The following SCAF8 variants were observed in gnomAD, a reference collection of about 807,000 sequenced individuals.
SCAF8 encodes the protein SR-related and CTD-associated factor 8.
A neutral mutation model predicts 140.5 loss-of-function variants in SCAF8; 23 were observed. The observed-to-expected ratio is 0.16, with a 90% CI of 0.12 to 0.23. The LOEUF is 0.23. SCAF8 is among the 10% of genes least tolerant of loss of function. The pLI is 1.00. For missense variants in SCAF8, 1,397 were observed against 1,555.7 expected, an observed-to-expected ratio of 0.90 and a Z score of 1.72; for synonymous variants, 575 against 528.9, an observed-to-expected ratio of 1.09 and a Z score of -1.20.
intron 15 of SCAF8, among the ~76,000 whole-genome samples, chr6:154,821,627 G>T (rs538891301): frequency 3.3e-5 from 5 of 152,196 alleles, no homozygotes; most frequent in Non-Finnish European, 7.3e-5. Flanking sequence ...GAAAGGGTAA[G>T]GCAGGCAGCC....
At chr6:154,816,420 T>C (rs1213052707) in intron 13 of SCAF8, among the ~76,000 whole-genome samples, 7 of 152,230 alleles carry the variant, frequency 4.6e-5, no homozygotes, top group Admixed American at 4.6e-4. Context: ...TTTGAGTCTG[T>C]GTTTTATTCT....
At chr6:154,820,669 TTTTTGAAA>T (rs1778392908) in intron 15 of SCAF8, among the ~76,000 whole-genome samples, 1 of 152,192 alleles carries the variant, frequency 6.6e-6, no homozygotes, top group East Asian at 1.9e-4. Context: ...TTGAGAAGGT[TTTTTGAAA>T]CACTTTGCAG....
intron 5 of SCAF8, among the ~76,000 whole-genome samples, chr6:154,793,340 A>T (rs1233051308): frequency 6.6e-6 from 1 of 152,054 alleles, no homozygotes; most frequent in African/African-American, 2.4e-5. Context: ...ACCCTGAAAC[A>T]ATTATTTAAC....
chr6:154,766,534 C>T (rs1422393055), intron 1 of SCAF8, among the ~76,000 whole-genome samples: 1 of 152,092 alleles, frequency 6.6e-6, no homozygotes, highest in Non-Finnish European at 1.5e-5. Context: ...TCCTGACCGT[C>T]TGGCACTGGT....
intron 13 of SCAF8, among the ~76,000 whole-genome samples, chr6:154,817,680 G>A (rs977429409): frequency 6.6e-6 from 1 of 152,154 alleles, no homozygotes; most frequent in African/African-American, 2.4e-5. Context: ...TGAAGTGTTA[G>A]CAAGGCTGAG....
At chr6:154,739,179 G>A (rs1361091843) in intron 1 of SCAF8, among the ~76,000 whole-genome samples, 1 of 152,028 alleles carries the variant, frequency 6.6e-6, no homozygotes, top group Non-Finnish European at 1.5e-5. Flanking sequence ...AGGGAAGGGT[G>A]GGGGGTGTCA....
At chr6:154,767,317 C>G (rs979108732) in intron 1 of SCAF8, among the ~76,000 whole-genome samples, 2 of 152,008 alleles carry the variant, frequency 1.3e-5, no homozygotes, top group Admixed American at 1.3e-4. Context: ...AGTCTATACC[C>G]TCCTGCTTTA....
intron 3 of SCAF8, among the ~76,000 whole-genome samples, chr6:154,786,850 C>G (rs1777272304): frequency 6.6e-6 from 1 of 152,158 alleles, no homozygotes; most frequent in African/African-American, 2.4e-5. Flanking sequence ...CCAAGTTTTC[C>G]AAGTATTAAA....
At chr6:154,805,867 T>G (rs191540823) in intron 9 of SCAF8, among the ~76,000 whole-genome samples, 3 of 152,276 alleles carry the variant, frequency 2.0e-5, no homozygotes, top group Admixed American at 2.0e-4. Flanking sequence ...AGTTGATGAT[T>G]ATGTTAATGG....
chr6:154,766,191 A>C (rs570871349), intron 1 of SCAF8, among the ~76,000 whole-genome samples: 146 of 152,244 alleles, frequency 9.6e-4, no homozygotes, highest in African/African-American at 3.5e-3. Flanking sequence ...AGGCTGAGGA[A>C]GGGAAAGAGG....
At chr6:154,735,688 ATTTTTAGTAGAGATGGGGTTTCACCATG>A in intron 1 of SCAF8, among the ~76,000 whole-genome samples, 1 of 151,282 alleles carries the variant, frequency 6.6e-6, no homozygotes, top group East Asian at 1.9e-4. Context: ...TAATTTTTGT[ATTTTTAGTAGAGATGGGGTTTCACCATG>A]TTGGCCAGGC....
At chr6:154,772,413 G>A (rs988926422) in intron 1 of SCAF8, among the ~76,000 whole-genome samples, 3 of 152,172 alleles carry the variant, frequency 2.0e-5, no homozygotes, top group African/African-American at 7.2e-5. Flanking sequence ...AGGTAGGCCG[G>A]GCACTGTGGC....
At position 154,767,234 on chromosome 6, in the gene SCAF8, T is replaced by A. The variant is rs563464748; in HGVS notation, c.31-6755T>A. ...GTCTTCTGTCTTTTCCTATCAAGGC[T>A]CAGGTTAGCAGCTTTATAGAAAGGG... On this transcript the variant is annotated intron_variant, in intron 1 of 19. Coordinates refer to ENST00000367178, the MANE Select transcript of SCAF8 (RefSeq NM_014892.5). 2.7e-3 allele frequency among the ~76,000 whole-genome samples: 405 copies of A among 152,270 alleles called. 1 individual carries two copies. Among genetic ancestry groups the A allele is most frequent in the Non-Finnish European group, 4.8e-3 (325 of 68,008 alleles).
chr6:154,733,928 G>A lies in SCAF8; in HGVS notation c.28G>A (p.Glu10Lys). 6.5e-7 allele frequency: 1 copy of A among 1,534,874 alleles called. No homozygotes were observed. Among genetic ancestry groups the A allele is most frequent in the Non-Finnish European group, 8.7e-7 (1 of 1,147,680 alleles). Residue 10 changes from glutamate (E) to lysine (K), a missense_variant and splice_region_variant, in exon 1 of 20, where the codon GAG (glutamate) becomes AAG (lysine). This residue lies in a region of SCAF8 where 26 missense variants were observed against 20.9 expected (regional missense o/e 1.25). Transcript: ENST00000367178. MEAVKTFNS[E>K]LYSLNDYKPP... ...GGAGGCCGTGAAGACCTTCAATAGC[G>A]AGGTTGGTATGGCAGCCGGGTTCCC... is the stretch of plus-strand genomic sequence containing the variant.
chr6:154,803,641 A>C lies in SCAF8; in HGVS notation c.863+18A>C. 4 of 1,528,156 alleles carry C rather than the reference A, an allele frequency of 2.6e-6. No homozygotes were observed. Among genetic ancestry groups the C allele is most frequent in the Non-Finnish European group, 3.6e-6 (4 of 1,105,932 alleles). The allele number at this position is 1,528,156 out of a possible 1,614,324, so 94.7% of individuals were successfully genotyped here. ...TCACAACTGTAAGAATTTTTTCTTTATAGCCATAGTTTTTTTATATTTAGT... is the reference window on the plus strand; with the variant it reads ...TCACAACTGTAAGAATTTTTTCTTTCTAGCCATAGTTTTTTTATATTTAGT... On this transcript the variant is annotated intron_variant, in intron 8 of 19. Transcript: ENST00000367178.
intron 3 of SCAF8, among the ~76,000 whole-genome samples, chr6:154,781,877 C>G (rs543409972): frequency 6.6e-6 from 1 of 152,290 alleles, no homozygotes; most frequent in African/African-American, 2.4e-5. Flanking sequence ...ATTTTATATT[C>G]TCTTCATATA....
At chr6:154,806,357 C>T (rs1461127424) in intron 9 of SCAF8, among the ~76,000 whole-genome samples, 1 of 152,090 alleles carries the variant, frequency 6.6e-6, no homozygotes, top group Non-Finnish European at 1.5e-5. Context: ...TAGGAAACCC[C>T]CTTTCCCTCC....
intron 15 of SCAF8, among the ~76,000 whole-genome samples, chr6:154,821,930 G>A (rs186986748): frequency 2.0e-5 from 3 of 152,220 alleles, no homozygotes; most frequent in East Asian, 3.9e-4. Context: ...CTCCTAGTTG[G>A]TCTTCCTTTG....
At chr6:154,750,409 C>CT (rs1294884295) in intron 1 of SCAF8, among the ~76,000 whole-genome samples, 1 of 151,790 alleles carries the variant, frequency 6.6e-6, no homozygotes, top group Non-Finnish European at 1.5e-5. Context: ...AGAAGCCAGC[C>CT]TAGAGGAAGA....
Sources: gnomAD v4.1 joint callset for allele counts (sites outside exome capture counted in the v4.1 genomes callset) on GRCh38, gnomAD v4.1.1 for gene constraint, gnomAD v4.1.1 regional missense constraint, MANE v1.5 for transcripts, NCBI Gene and HGNC (gene_info 2026-07-23, HGNC 2026-07-21) for gene names.